C5orf24: variants seen among roughly 807,000 people sequenced by gnomAD.
C5orf24 encodes the protein UPF0461 protein C5orf24.
In C5orf24, 4 loss-of-function variants were observed where a neutral mutation model predicts 9.8. The observed-to-expected ratio is 0.41, with a 90% CI of 0.20 to 0.93. The LOEUF (loss-of-function observed/expected upper bound fraction) is 0.93. C5orf24 is among the 40% of genes least tolerant of loss of function. C5orf24 has a pLI of 0.33. For synonymous variants in C5orf24, 73 were observed against 81.3 expected, an observed-to-expected ratio of 0.90 and a Z score of 0.55; for missense variants, 170 against 236.9, an observed-to-expected ratio of 0.72 and a Z score of 1.85.
At chr5:134,846,303 C>G (rs1162400100) in intron 1 of C5orf24, 91 bp downstream of exon 1, 2 of 152,418 alleles carry the variant, frequency 1.3e-5, no homozygotes, top group Non-Finnish European at 2.9e-5. Context: ...GAGAAGAGGC[C>G]TCCTGCCAAG....
At chr5:134,839,773 T>G in the C5orf24 span, among the ~76,000 whole-genome samples, 1 of 146,798 alleles carries the variant, frequency 6.8e-6, no homozygotes, top group African/African-American at 2.5e-5. Context: ...CACTTCAACC[T>G]CCACCTCCCA....
At chr5:134,854,599 C>T (rs1208790442) in intron 1 of C5orf24, among the ~76,000 whole-genome samples, 1 of 152,156 alleles carries the variant, frequency 6.6e-6, no homozygotes, top group Non-Finnish European at 1.5e-5. Context: ...CAGAATAGAA[C>T]ATTTGTTTTT....
chr5:134,840,520 G>A, the C5orf24 span, among the ~76,000 whole-genome samples: 2 of 151,786 alleles, frequency 1.3e-5, no homozygotes, highest in Non-Finnish European at 2.9e-5. Flanking sequence ...GATTTCACAC[G>A]TGAACTACCG....
chr5:134,839,698 T>G, the C5orf24 span, among the ~76,000 whole-genome samples: 20 of 151,320 alleles, frequency 1.3e-4, no homozygotes, highest in Non-Finnish European at 2.5e-4. Flanking sequence ...TACCTTTTTT[T>G]TTTTTTTTTT....
Position 134,858,040 on chromosome 5 carries a change from G to C in C5orf24, c.*2573G>C, listed in dbSNP as rs546234260. The C allele has an allele frequency of 6.0e-6, 1 of 166,962 alleles. No individual in the cohort carries two copies. Among genetic ancestry groups the C allele is most frequent in the African/African-American group, 2.4e-5 (1 of 41,478 alleles). 10.3% of individuals were successfully genotyped at this position (166,962 alleles called of 1,614,324 possible). A position where few individuals can be genotyped will look rare whatever the true frequency, so the allele number is the denominator to read the frequency against. Reference sequence around the variant, plus strand: ...GGTGTATTATTGTATAATGAATTTTGTATACATGTTTATGAAATGGTGAGA... The same window carrying C: ...GGTGTATTATTGTATAATGAATTTTCTATACATGTTTATGAAATGGTGAGA... On this transcript the variant is annotated 3_prime_UTR_variant, in exon 2 of 2. Coordinates refer to ENST00000394976, the MANE Select transcript of C5orf24 (RefSeq NM_001135586.1).
chr5:134,850,229 ACCT>A lies in C5orf24; in HGVS notation c.-4+4026_-4+4028del, dbSNP rs1047774334. On this transcript the variant is annotated intron_variant, in intron 1 of 1. Coordinates refer to ENST00000394976, the MANE Select transcript of C5orf24 (RefSeq NM_001135586.1). ...AGTGGCATGATCTCGGCTCACTGCAACCTCCTCCTCCCAGGTTCAAGCGATTCT... is the reference window on the plus strand; with the variant it reads ...AGTGGCATGATCTCGGCTCACTGCAACCTCCTCCCAGGTTCAAGCGATTCT... Among the ~76,000 whole-genome samples, 84 of 151,686 alleles carry A rather than the reference ACCT, an allele frequency of 5.5e-4. No individual in the cohort carries two copies. In the Middle Eastern group the frequency reaches 0.01, roughly 19 times the overall value.
upstream of C5orf24, among the ~76,000 whole-genome samples, chr5:134,844,487 AG>A (rs1755944930): frequency 6.6e-6 from 1 of 152,172 alleles, no homozygotes; most frequent in South Asian, 2.1e-4. Flanking sequence ...TGGCACTACA[AG>A]TACTCATCAC....
chr5:134,841,961 A>C (rs1490563383), upstream of C5orf24, among the ~76,000 whole-genome samples: 1 of 152,190 alleles, frequency 6.6e-6, no homozygotes, highest in Non-Finnish European at 1.5e-5. Context: ...GAGTCTAAAA[A>C]ACTAGGACAG....
intron 1 of C5orf24, among the ~76,000 whole-genome samples, chr5:134,847,705 ATTTTTTT>A (rs57323019): frequency 7.4e-6 from 1 of 134,958 alleles, no homozygotes; most frequent in Non-Finnish European, 1.6e-5. Flanking sequence ...TATTCATCCT[ATTTTTTT>A]TTTTTTTTTC....
intron 1 of C5orf24, among the ~76,000 whole-genome samples, chr5:134,847,617 T>G: frequency 6.6e-6 from 1 of 152,054 alleles, no homozygotes; most frequent in Admixed American, 6.6e-5. Context: ...AAAAAGATGA[T>G]CTTTAACCTT....
chr5:134,837,037 G>A, the C5orf24 span, among the ~76,000 whole-genome samples: 1 of 151,158 alleles, frequency 6.6e-6, no homozygotes, highest in Non-Finnish European at 1.5e-5. Context: ...GCAATGGCGC[G>A]ATCTCAGCTC....
rs866015093 is a variant in C5orf24, at chr5:134,858,945, C to G, written c.*3478C>G. On this transcript the variant is annotated 3_prime_UTR_variant, in exon 2 of 2. Coordinates refer to ENST00000394976, the MANE Select transcript of C5orf24 (RefSeq NM_001135586.1). ...AACATCTGTCAAAGTAATATTGATTCCAAACTGATGTTTGTGTGAATTTAC... is the reference window on the plus strand; with the variant it reads ...AACATCTGTCAAAGTAATATTGATTGCAAACTGATGTTTGTGTGAATTTAC... 6.0e-6 allele frequency: 1 copy of G among 166,214 alleles called. No individual in the cohort carries two copies. The highest frequency in any genetic ancestry group is 2.1e-4 in the South Asian group (1 of 4,758). 10.3% of individuals were successfully genotyped at this position (166,214 alleles called of 1,614,324 possible).
chr5:134,834,104 C>T, the C5orf24 span, among the ~76,000 whole-genome samples: 1 of 152,246 alleles, frequency 6.6e-6, no homozygotes, highest in East Asian at 1.9e-4. Context: ...ATTTAAAAAA[C>T]TAATCATTTT....
At chr5:134,846,842 A>G (rs80290267) in intron 1 of C5orf24, 1 of 152,316 alleles carries the variant, frequency 6.6e-6, no homozygotes, top group Non-Finnish European at 1.5e-5. Context: ...CCTCTGCTGA[A>G]TGGACTTTCA....
rs1306972148 is a variant in C5orf24 at position 134,853,348 on chromosome 5, C to T, written c.-3-1550C>T. Among the ~76,000 whole-genome samples, 7 of 134,554 alleles carry T rather than the reference C, an allele frequency of 5.2e-5. No homozygotes were observed. The South Asian group carries it at 6.8e-4, about 13-fold the overall frequency. The allele number at this position is 134,554 out of a possible 152,430, so 88.3% of individuals were successfully genotyped here. ...TGCACTCCAACCTGGGCAACAAGTG[C>T]GAAACTCCACCTAAAAAAAAAAAAA... On this transcript the variant is annotated intron_variant, in intron 1 of 1. Coordinates refer to ENST00000394976, the MANE Select transcript of C5orf24 (RefSeq NM_001135586.1).
At chr5:134,848,418 A>C (rs1279914024) in intron 1 of C5orf24, among the ~76,000 whole-genome samples, 1 of 151,900 alleles carries the variant, frequency 6.6e-6, no homozygotes, top group Admixed American at 6.6e-5. Context: ...GCACTTTGGG[A>C]GGCCAAGGCA....
upstream of C5orf24, among the ~76,000 whole-genome samples, chr5:134,841,947 A>C (rs768544704): frequency 6.6e-6 from 1 of 152,198 alleles, no homozygotes; most frequent in Non-Finnish European, 1.5e-5. Context: ...ACTTTGTGCA[A>C]TGTGAGTCTA....
At chr5:134,847,990 ACC>A (rs1756043338) in intron 1 of C5orf24, among the ~76,000 whole-genome samples, 1 of 152,136 alleles carries the variant, frequency 6.6e-6, no homozygotes, top group African/African-American at 2.4e-5. Context: ...GGCCTGAGCC[ACC>A]GCGCCGGACC....
At position 134,856,271 on chromosome 5, in the gene C5orf24, AAAAG is replaced by A; in HGVS notation, c.*807_*810del. On this transcript the variant is annotated 3_prime_UTR_variant, in exon 2 of 2. Coordinates refer to ENST00000394976, the MANE Select transcript of C5orf24 (RefSeq NM_001135586.1). ...AGGATAGCATATTTCATATAATAGA[AAAAG>A]AAGCATTCTCTAGGTTTGCATGTAG... 1.0e-6 allele frequency: 1 copy of A among 995,018 alleles called. No homozygotes were observed. Among genetic ancestry groups the A allele is most frequent in the Non-Finnish European group, 1.2e-6 (1 of 825,294 alleles). The allele number at this position is 995,018 out of a possible 1,614,324, so 61.6% of individuals were successfully genotyped here. A position where few individuals can be genotyped will look rare whatever the true frequency, so the allele number is the denominator to read the frequency against.
Sources: gnomAD v4.1 joint callset for allele counts (sites outside exome capture counted in the v4.1 genomes callset) on GRCh38, gnomAD v4.1.1 for gene constraint, MANE v1.5 for transcripts, NCBI Gene and HGNC (gene_info 2026-07-23, HGNC 2026-07-21) for gene names.